Variants in THSD7B observed in about 807,000 individuals in gnomAD.
THSD7B encodes thrombospondin type-1 domain-containing protein 7B.
Under a neutral mutation model 213.6 loss-of-function variants are expected in THSD7B, and 138 were observed. The observed-to-expected ratio is 0.65, with a 90% confidence interval of 0.56 to 0.74. The LOEUF (loss-of-function observed/expected upper bound fraction) is 0.74. Among genes scored for constraint, THSD7B ranks in the 30% least tolerant of loss-of-function variants. THSD7B has a pLI of 0.00. For synonymous variants in THSD7B, 742 were observed against 687.0 expected (o/e 1.08, Z -1.25); for missense variants, 1,931 against 1,991.5 (o/e 0.97, Z 0.58).
intron 1 of THSD7B, among the ~76,000 whole-genome samples, chr2:136,877,790 T>A (rs1040083746): frequency 6.6e-6 from 1 of 151,840 alleles, no homozygotes; most frequent in African/African-American, 2.4e-5. Context: ...CTGATATAAA[T>A]CCCAACAGTG....
chr2:137,381,501 G>A (rs1008623334), intron 12 of THSD7B, among the ~76,000 whole-genome samples: 12 of 152,158 alleles, frequency 7.9e-5, no homozygotes, highest in Non-Finnish European at 1.2e-4. Flanking sequence ...CTAGAGGCCC[G>A]GCTTCAGAGC....
At chr2:137,187,603 G>A (rs986965460) in intron 7 of THSD7B, among the ~76,000 whole-genome samples, 5 of 152,168 alleles carry the variant, frequency 3.3e-5, no homozygotes, top group African/African-American at 9.7e-5. Flanking sequence ...TACAAGATTA[G>A]AAGTTGATTT....
At chr2:137,069,337 A>AT (rs984531000) in intron 3 of THSD7B, among the ~76,000 whole-genome samples, 1 of 151,526 alleles carries the variant, frequency 6.6e-6, no homozygotes, top group Non-Finnish European at 1.5e-5. Context: ...TTTCCTTTTT[A>AT]TTTTTTTGGA....
intron 17 of THSD7B, among the ~76,000 whole-genome samples, chr2:137,580,099 T>C (rs544709101): frequency 6.6e-6 from 1 of 152,266 alleles, no homozygotes; most frequent in East Asian, 1.9e-4. Context: ...TGTTTGAAAA[T>C]ACATAAACAT....
At chr2:136,980,840 T>C (rs1038380276) in intron 2 of THSD7B, among the ~76,000 whole-genome samples, 2 of 152,218 alleles carry the variant, frequency 1.3e-5, no homozygotes, top group Non-Finnish European at 2.9e-5. Flanking sequence ...GCACAATCAC[T>C]CACCGCCTCT....
chr2:137,236,065 G>A (rs916281820), intron 9 of THSD7B, among the ~76,000 whole-genome samples: 1 of 152,180 alleles, frequency 6.6e-6, no homozygotes, highest in Non-Finnish European at 1.5e-5. Context: ...GCAATATAAA[G>A]TATCCTTTGC....
At chr2:137,566,805 T>C (rs548151769) in intron 16 of THSD7B, among the ~76,000 whole-genome samples, 12 of 152,274 alleles carry the variant, frequency 7.9e-5, no homozygotes, top group South Asian at 4.1e-4. Flanking sequence ...ACATAAATTA[T>C]ATTCAATAAA....
At chr2:137,280,578 G>T (rs780625338) in intron 12 of THSD7B, among the ~76,000 whole-genome samples, 1 of 152,072 alleles carries the variant, frequency 6.6e-6, no homozygotes, top group Non-Finnish European at 1.5e-5. Flanking sequence ...AGTTATAGCT[G>T]TAGCTAAGCG....
intron 17 of THSD7B, among the ~76,000 whole-genome samples, chr2:137,580,130 T>G (rs1400395643): frequency 6.6e-6 from 1 of 152,198 alleles, no homozygotes; most frequent in Non-Finnish European, 1.5e-5. Context: ...GTTTTGTATA[T>G]GTTGACACAA....
intron 6 of THSD7B, among the ~76,000 whole-genome samples, chr2:137,165,606 G>A (rs1452911955): frequency 1.3e-5 from 2 of 151,974 alleles, no homozygotes; most frequent in East Asian, 1.9e-4. Context: ...CAGAAGCTGG[G>A]GTACACAGGC....
chr2:137,417,177 GAAAT>G (rs1686817451), intron 14 of THSD7B, among the ~76,000 whole-genome samples: 2 of 152,096 alleles, frequency 1.3e-5, no homozygotes, highest in South Asian at 2.1e-4. Context: ...TTGGATTTAA[GAAAT>G]AAATATTTAC....
At chr2:136,807,600 G>A (rs982959792) in intron 1 of THSD7B, among the ~76,000 whole-genome samples, 10 of 140,042 alleles carry the variant, frequency 7.1e-5, no homozygotes, top group Non-Finnish European at 1.2e-4. Context: ...TCTGCCTCCC[G>A]GGTTCACGCC....
chr2:137,296,443 G>A (rs1683464913), intron 12 of THSD7B, among the ~76,000 whole-genome samples: 1 of 152,102 alleles, frequency 6.6e-6, no homozygotes, highest in Non-Finnish European at 1.5e-5. Flanking sequence ...ATACAAGTTG[G>A]TAAGGCTCTA....
intron 2 of THSD7B, among the ~76,000 whole-genome samples, chr2:136,950,094 A>T (rs1685008868): frequency 6.6e-6 from 1 of 152,080 alleles, no homozygotes; most frequent in African/African-American, 2.4e-5. Context: ...TCTACTAAAA[A>T]TACAAAAATT....
At chr2:137,657,308 T>C in intron 24 of THSD7B, 148 bp downstream of exon 24, 1 of 674,902 alleles carries the variant, frequency 1.5e-6, no homozygotes, top group Non-Finnish European at 2.4e-6. Flanking sequence ...ATTAGACGTT[T>C]GCATCTTAGA....
intron 12 of THSD7B, among the ~76,000 whole-genome samples, chr2:137,325,972 A>T (rs1283447402): frequency 6.6e-6 from 1 of 152,174 alleles, no homozygotes; most frequent in Non-Finnish European, 1.5e-5. Flanking sequence ...CTTAAATGTG[A>T]GGGAGCATTT....
At chr2:137,653,335 C>A (rs896501539) in intron 21 of THSD7B, among the ~76,000 whole-genome samples, 1 of 151,920 alleles carries the variant, frequency 6.6e-6, no homozygotes, top group African/African-American at 2.4e-5. Flanking sequence ...CTTATTGTAT[C>A]TTAAGGTTTT....
intron 1 of THSD7B, among the ~76,000 whole-genome samples, chr2:136,861,983 C>T (rs1395717457): frequency 1.3e-5 from 2 of 152,188 alleles, no homozygotes; most frequent in African/African-American, 4.8e-5. Flanking sequence ...TGGCAGAAGA[C>T]CTCAGTTCCT....
rs562334955 is a variant in THSD7B at position 137,523,131 on chromosome 2, A to G, written c.3139-40090A>G. ...TTATTTCATATGCACAGTTGTAGAA[A>G]TGGACTAGGCATATAATCAGTGTTC... is the stretch of plus-strand genomic sequence containing the variant. On this transcript the variant is annotated intron_variant, in intron 15 of 27. Coordinates refer to ENST00000409968, the MANE Select transcript of THSD7B (RefSeq NM_001316349.2). 3.9e-5 allele frequency among the ~76,000 whole-genome samples: 6 copies of G among 152,028 alleles called. 1 individual carries two copies. In the East Asian group the frequency reaches 1.2e-3, roughly 29 times the overall value.
Sources: gnomAD v4.1 joint callset for allele counts (sites outside exome capture counted in the v4.1 genomes callset) on GRCh38, gnomAD v4.1.1 for gene constraint, MANE v1.5 for transcripts, NCBI Gene and HGNC (gene_info 2026-07-23, HGNC 2026-07-21) for gene names.